The following SNAI3 variants were observed in gnomAD, a reference collection of about 807,000 sequenced individuals.
SNAI3 encodes snail family transcriptional repressor 3.
SNAI3 carries 21 observed loss-of-function variants against 16.4 expected under a neutral mutation model. That is an observed-to-expected ratio of 1.28 (90% CI 0.91 to 1.85). The LOEUF is 1.85. SNAI3 is among the 40% of genes most tolerant of loss of function. The pLI, the probability that SNAI3 is intolerant of heterozygous loss-of-function variation, is 0.00. For synonymous variants in SNAI3, 202 were observed against 166.6 expected, an observed-to-expected ratio of 1.21 and a Z score of -1.64; for missense variants, 457 against 372.8, an observed-to-expected ratio of 1.23 and a Z score of -1.86.
At chr16:88,679,775 A>AAAGAAAAAG (rs1555545687) in intron 2 of SNAI3, among the ~76,000 whole-genome samples, 2,169 of 106,596 alleles carry the variant, frequency 0.02, 73 homozygotes, top group African/African-American at 0.071. Context: ...AAAAAAAAAA[A>AAAGAAAAAG]AAAAAAAGAA....
At position 88,686,374 on chromosome 16, in the gene SNAI3, G is replaced by A. The variant is rs1284864204; in HGVS notation, c.33C>T (p.Ser11=). Residue 11 remains serine (S), a synonymous_variant, in exon 1 of 3, where the codon TCC becomes TCT. Coordinates refer to ENST00000332281, the MANE Select transcript of SNAI3 (RefSeq NM_178310.4). ...GCCGGTAGTTGGGGACCCTGTGGCT[G>A]GAGTGCGTTTTCACCAGGAAGGAGC... MPRSFLVKTH[S]SHRVPNYRRL... is the part of the protein sequence containing the mutation. 6.2e-7 allele frequency: 1 copy of A among 1,612,252 alleles called. No individual in the cohort carries two copies. Among genetic ancestry groups the A allele is most frequent in the Non-Finnish European group, 8.5e-7 (1 of 1,179,704 alleles).
At chr16:88,685,685 AG>A (rs1377844131) in intron 1 of SNAI3, 1 of 152,344 alleles carries the variant, frequency 6.6e-6, no homozygotes, top group Non-Finnish European at 1.5e-5. Flanking sequence ...CGGTGTGTGG[AG>A]GATTGCAGCC....
Position 88,681,139 on chromosome 16 carries a change from A to AG in SNAI3, c.651dup (p.Phe218LeufsTer67). 1 of 1,613,752 alleles carries AG rather than the reference A, an allele frequency of 6.2e-7. No individual in the cohort carries two copies. Among genetic ancestry groups the AG allele is most frequent in the Admixed American group, 1.7e-5 (1 of 60,028 alleles). ...CCCTGCAGTAACCAGGGCCTGGAGA[A>AG]GGCCTTGCCACAGATCTTGCAGGTG... On this transcript the variant is annotated frameshift_variant, in exon 2 of 3. Transcript: ENST00000332281. LOFTEE classifies it high-confidence loss of function. This position sits in a 1 kb window ranked among gnomAD's most constrained non-coding sequence, Gnocchi z 5.4.
At position 88,686,391 on chromosome 16, in the gene SNAI3, G is replaced by T. The variant is rs1441914799; in HGVS notation, c.16C>A (p.Leu6Met). ...CTGTGGCTGGAGTGCGTTTTCACCA[G>T]GAAGGAGCGCGGCATGTTCCCCTCC... MPRSF[L>M]VKTHSSHRVP... Residue 6 changes from leucine to methionine, a missense_variant, in exon 1 of 3, where the codon CTG (leucine) becomes ATG (methionine). Leu to Met is a conservative substitution (Grantham distance 15). Coordinates refer to ENST00000332281, the MANE Select transcript of SNAI3 (RefSeq NM_178310.4). 1 of 1,611,526 alleles carries T rather than the reference G, an allele frequency of 6.2e-7. No homozygotes were observed. The highest frequency in any genetic ancestry group is 1.1e-5 in the South Asian group (1 of 91,064).
chr16:88,685,113 C>G (rs2142949938), intron 1 of SNAI3: 1 of 152,428 alleles, frequency 6.6e-6, no homozygotes, highest in Middle Eastern at 3.4e-3. Context: ...TTGAAACTTG[C>G]AACTATTACC....
intron 2 of SNAI3, among the ~76,000 whole-genome samples, chr16:88,679,312 G>T (rs891973011): frequency 4.6e-5 from 7 of 152,198 alleles, no homozygotes; most frequent in Non-Finnish European, 8.8e-5. Context: ...GGGGGTGTGT[G>T]GGGGGTGTCG....
chr16:88,685,420 C>G (rs1003909000), intron 1 of SNAI3: 1 of 152,372 alleles, frequency 6.6e-6, no homozygotes, highest in African/African-American at 2.4e-5. Context: ...TGCTGGGGGC[C>G]ACAGCCCCAA....
At chr16:88,680,641 C>T (rs1157417081) in intron 2 of SNAI3, among the ~76,000 whole-genome samples, 2 of 152,024 alleles carry the variant, frequency 1.3e-5, no homozygotes, top group African/African-American at 4.8e-5. Context: ...CTCTGTTGCT[C>T]AGGCTGGAGT....
Position 88,681,576 on chromosome 16 carries a change from A to AG in SNAI3, c.214dup (p.Leu72ProfsTer72). 1 of 1,504,658 alleles carries AG rather than the reference A, an allele frequency of 6.6e-7. No individual in the cohort carries two copies. 93.2% of individuals were successfully genotyped at this position (1,504,658 alleles called of 1,614,324 possible). A position where few individuals can be genotyped will look rare whatever the true frequency, so the allele number is the denominator to read the frequency against. On this transcript the variant is annotated frameshift_variant, in exon 2 of 3. Transcript: ENST00000332281. LOFTEE classifies it high-confidence loss of function. The surrounding 1 kb of genome is among the most constrained non-coding windows in gnomAD (Gnocchi z 5.4). ...CAGAGCTTCCTCGATCCGTGGCAGGAGGGGCAGGGAGATGCAGGCGACGGC... is the reference window on the plus strand; with the variant it reads ...CAGAGCTTCCTCGATCCGTGGCAGGAGGGGGCAGGGAGATGCAGGCGACGGC...
intron 1 of SNAI3, among the ~76,000 whole-genome samples, chr16:88,684,762 A>G (rs1195265653): frequency 1.3e-5 from 2 of 152,208 alleles, no homozygotes; most frequent in African/African-American, 4.8e-5. Flanking sequence ...AAGTGCTGAG[A>G]TTACAGGCAT....
rs745517327 is a variant in SNAI3 at position 88,686,439 on chromosome 16, TG to T, written c.-34del. 13 of 1,601,154 alleles carry T rather than the reference TG, an allele frequency of 8.1e-6. No individual in the cohort carries two copies. In the South Asian group the frequency reaches 1.2e-4, roughly 15 times the overall value. ...TCCCGGGCGGCAGGCCGGGGTGGGC[TG>T]GGGCGGGAGGGGCGCGCCTGGGTCC... On this transcript the variant is annotated 5_prime_UTR_variant, in exon 1 of 3. Coordinates refer to ENST00000332281, the MANE Select transcript of SNAI3 (RefSeq NM_178310.4).
rs147443970 is a variant in SNAI3, at chr16:88,678,681, TA to T, written c.698-53del. 10,182 of 1,552,356 alleles carry T rather than the reference TA, an allele frequency of 6.6e-3. 408 individuals are homozygous for T. The African/African-American group carries it at 0.096, about 15-fold the overall frequency. ...ACACCATGGAAGATGGAGTGAAGGCTAAAGCACCCACCCTGCCCATCAATGG... is the reference window on the plus strand; with the variant it reads ...ACACCATGGAAGATGGAGTGAAGGCTAAGCACCCACCCTGCCCATCAATGG... On this transcript the variant is annotated intron_variant, in intron 2 of 2. Coordinates refer to ENST00000332281, the MANE Select transcript of SNAI3 (RefSeq NM_178310.4).
chr16:88,678,922 T>G (rs978862060), intron 2 of SNAI3: 1 of 985,362 alleles, frequency 1.0e-6, no homozygotes, highest in African/African-American at 1.7e-5. Context: ...GGCAGCTGTT[T>G]CTGGCCACTC....
At chr16:88,683,522 G>A (rs1418301184) in intron 1 of SNAI3, among the ~76,000 whole-genome samples, 1 of 151,142 alleles carries the variant, frequency 6.6e-6, no homozygotes, top group African/African-American at 2.4e-5. Flanking sequence ...CCAAAGTACT[G>A]GGATTACAGG....
At chr16:88,680,275 ATTTTTTTTTTTTT>A (rs560411217) in intron 2 of SNAI3, among the ~76,000 whole-genome samples, 4 of 55,092 alleles carry the variant, frequency 7.3e-5, no homozygotes, top group South Asian at 1.6e-3. Context: ...TATGTTTTTG[ATTTTTTTTTTTTT>A]TTTTTTTTTT....
intron 1 of SNAI3, among the ~76,000 whole-genome samples, chr16:88,683,440 G>C (rs1432804199): frequency 1.3e-5 from 2 of 151,750 alleles, no homozygotes; most frequent in African/African-American, 4.8e-5. Context: ...ATTCTTAGTA[G>C]AGACAGGGTT....
At chr16:88,683,105 A>G (rs1182299270) in intron 1 of SNAI3, among the ~76,000 whole-genome samples, 11 of 51,800 alleles carry the variant, frequency 2.1e-4, no homozygotes, top group Admixed American at 2.9e-4. Context: ...TTTTTTTTTG[A>G]GACAGAGTCT....
chr16:88,678,645 G>T lies in SNAI3; in HGVS notation c.698-16C>A. 5 of 1,453,518 alleles carry T rather than the reference G, an allele frequency of 3.4e-6. No homozygotes were observed. Among genetic ancestry groups the T allele is most frequent in the Non-Finnish European group, 4.8e-6 (5 of 1,044,504 alleles). The allele number at this position is 1,453,518 out of a possible 1,614,324, so 90.0% of individuals were successfully genotyped here. A position where few individuals can be genotyped will look rare whatever the true frequency, so the allele number is the denominator to read the frequency against. The stretch of plus-strand genomic sequence containing the variant: ...GGCTTCTCCCCTGTGGGAGGAAGGC[G>T]GCGGCCAGTGACACCATGGAAGATG... On this transcript the variant is annotated splice_polypyrimidine_tract_variant and intron_variant, in intron 2 of 2. Transcript: ENST00000332281.
chr16:88,682,289 C>T (rs545688416), intron 1 of SNAI3, among the ~76,000 whole-genome samples: 154 of 152,342 alleles, frequency 1.0e-3, no homozygotes, highest in African/African-American at 3.6e-3. Context: ...CCTCCCTGGC[C>T]GCTGACCAGT....
Sources: gnomAD v4.1 joint callset for allele counts (sites outside exome capture counted in the v4.1 genomes callset) on GRCh38, gnomAD v4.1.1 for gene constraint, Gnocchi (gnomAD v3.1) non-coding constraint, MANE v1.5 for transcripts, NCBI Gene and HGNC (gene_info 2026-07-23, HGNC 2026-07-21) for gene names.